The following GADL1 variants were observed in gnomAD, a reference collection of about 807,000 sequenced individuals.
GADL1 encodes the protein GAD like acidic amino acid decarboxylase 1.
In GADL1, 71 loss-of-function variants were observed where a neutral mutation model predicts 69.5. That is an observed-to-expected ratio of 1.02 (90% CI 0.84 to 1.25). GADL1 has a LOEUF of 1.25. Ranked by LOEUF, GADL1 falls within the 50% of genes most tolerant of loss-of-function variation. GADL1 has a pLI of 0.00. For missense variants in GADL1, 737 were observed against 631.8 expected, an observed-to-expected ratio of 1.17 and a Z score of -1.79; for synonymous variants, 254 against 214.4, an observed-to-expected ratio of 1.18 and a Z score of -1.62.
chr3:30,801,592 CAA>C (rs1447776373), intron 11 of GADL1, among the ~76,000 whole-genome samples: 1 of 152,158 alleles, frequency 6.6e-6, no homozygotes, highest in African/African-American at 2.4e-5. Flanking sequence ...AAGAGGTAAA[CAA>C]GAGCCAACAA....
chr3:30,812,746 A>G (rs1189724343), intron 11 of GADL1, among the ~76,000 whole-genome samples: 2 of 152,202 alleles, frequency 1.3e-5, no homozygotes, highest in Admixed American at 6.5e-5. Flanking sequence ...GATAGGAAGA[A>G]CTGTGATCCT....
At chr3:30,754,603 G>T (rs1452125623) in intron 14 of GADL1, among the ~76,000 whole-genome samples, 1 of 148,402 alleles carries the variant, frequency 6.7e-6, no homozygotes, top group African/African-American at 2.6e-5. Context: ...GAGTTTGGAA[G>T]ATAGTTGACT....
intron 11 of GADL1, among the ~76,000 whole-genome samples, chr3:30,832,890 C>A (rs1048608151): frequency 6.7e-6 from 1 of 148,280 alleles, no homozygotes; most frequent in African/African-American, 2.6e-5. Context: ...TCTATAGAAG[C>A]AAAACCTGTT....
At chr3:30,867,144 A>AT (rs952832957) in intron 1 of GADL1, among the ~76,000 whole-genome samples, 15 of 152,114 alleles carry the variant, frequency 9.9e-5, no homozygotes, top group Admixed American at 5.2e-4. Flanking sequence ...TCCTGGGAAA[A>AT]TTAATGAAGA....
rs1423065097 is a variant in GADL1 at position 30,728,153 on chromosome 3, G to A, written c.*89C>T. On this transcript the variant is annotated 3_prime_UTR_variant, in exon 15 of 15. Coordinates refer to ENST00000282538, the MANE Select transcript of GADL1 (RefSeq NM_207359.3). ...GAGTATTCCCTATTTCTCATCAGAAGGGCTGCAATCTACTGTGTATCTCCA... is the reference window on the plus strand; with the variant it reads ...GAGTATTCCCTATTTCTCATCAGAAAGGCTGCAATCTACTGTGTATCTCCA... 15 of 1,163,026 alleles carry A rather than the reference G, an allele frequency of 1.3e-5. No individual in the cohort carries two copies. Among genetic ancestry groups the A allele is most frequent in the Non-Finnish European group, 1.8e-5 (14 of 795,540 alleles). The allele number at this position is 1,163,026 out of a possible 1,614,324, so 72.0% of individuals were successfully genotyped here. A position where few individuals can be genotyped will look rare whatever the true frequency, so the allele number is the denominator to read the frequency against.
intron 13 of GADL1, among the ~76,000 whole-genome samples, chr3:30,785,510 T>C (rs1696770398): frequency 6.6e-6 from 1 of 151,484 alleles, no homozygotes; most frequent in African/African-American, 2.4e-5. Context: ...GCCTCCCGAG[T>C]AGCTGGGATT....
intron 1 of GADL1, among the ~76,000 whole-genome samples, chr3:30,864,480 T>TAA (rs960025036): frequency 6.6e-6 from 1 of 151,624 alleles, no homozygotes; most frequent in African/African-American, 2.4e-5. Flanking sequence ...ACCAATGAAT[T>TAA]AAAAAAAATC....
At chr3:30,858,884 C>A (rs1172408780) in intron 2 of GADL1, among the ~76,000 whole-genome samples, 1 of 151,974 alleles carries the variant, frequency 6.6e-6, no homozygotes, top group African/African-American at 2.4e-5. Context: ...AGGAGCCTGA[C>A]TGTCCTGTGG....
At chr3:30,783,390 T>TA in intron 13 of GADL1, among the ~76,000 whole-genome samples, 1 of 152,208 alleles carries the variant, frequency 6.6e-6, no homozygotes, top group African/African-American at 2.4e-5. Context: ...CTTAAAATAA[T>TA]ACATTTCTTG....
At chr3:30,886,832 C>T (rs1698717379) in intron 1 of GADL1, among the ~76,000 whole-genome samples, 1 of 152,154 alleles carries the variant, frequency 6.6e-6, no homozygotes, top group African/African-American at 2.4e-5. Flanking sequence ...GTGGACAAAA[C>T]CACAGACAAT....
intron 1 of GADL1, among the ~76,000 whole-genome samples, chr3:30,877,233 CTT>C (rs548484145): frequency 6.8e-4 from 104 of 151,984 alleles, no homozygotes; most frequent in African/African-American, 2.4e-3. Flanking sequence ...CATCTCTTCT[CTT>C]TCCATGAATC....
chr3:30,892,361 C>G (rs925849730), intron 1 of GADL1, among the ~76,000 whole-genome samples: 2 of 152,156 alleles, frequency 1.3e-5, no homozygotes, highest in African/African-American at 4.8e-5. Flanking sequence ...ATCATACATA[C>G]TTGGAGGATT....
chr3:30,803,330 C>G (rs868662379), intron 11 of GADL1, among the ~76,000 whole-genome samples: 5 of 152,092 alleles, frequency 3.3e-5, no homozygotes, highest in Admixed American at 6.6e-5. Context: ...CTACACTGAC[C>G]ATATATTATA....
rs1380651916 is a variant in GADL1 at position 30,857,179 on chromosome 3, A to G, written c.211-38T>C. On this transcript the variant is annotated intron_variant, in intron 2 of 14. Transcript: ENST00000282538. ...CCACAACACAAATTGAGTATCCACC[A>G]TAGCCAGGTATTGAGAGGATGTTAC... 4.5e-6 allele frequency: 7 copies of G among 1,540,966 alleles called. No homozygotes were observed. In the African/African-American group the frequency reaches 6.9e-5, roughly 15 times the overall value.
intron 14 of GADL1, among the ~76,000 whole-genome samples, chr3:30,764,992 T>C (rs192011659): frequency 3.3e-5 from 5 of 152,234 alleles, no homozygotes; most frequent in Admixed American, 6.5e-5. Flanking sequence ...AGGAAAAGTC[T>C]GACAATGCAG....
At chr3:30,835,744 G>A (rs1697862827) in intron 9 of GADL1, among the ~76,000 whole-genome samples, 1 of 152,046 alleles carries the variant, frequency 6.6e-6, no homozygotes, top group Non-Finnish European at 1.5e-5. Flanking sequence ...ACTCCATGGG[G>A]TCCCCAGAGG....
intron 14 of GADL1, among the ~76,000 whole-genome samples, chr3:30,750,769 A>C (rs1575183381): frequency 6.6e-6 from 1 of 152,302 alleles, no homozygotes; most frequent in East Asian, 1.9e-4. Flanking sequence ...ATTTCAATTC[A>C]TATCTTCTTC....
At chr3:30,783,702 GGAAAACCATTTA>G (rs1696724545) in intron 13 of GADL1, among the ~76,000 whole-genome samples, 1 of 152,128 alleles carries the variant, frequency 6.6e-6, no homozygotes, top group Admixed American at 6.6e-5. Context: ...CAGGAATTCT[GGAAAACCATTTA>G]GAAAACCACC....
intron 14 of GADL1, among the ~76,000 whole-genome samples, chr3:30,758,636 T>C (rs1430427196): frequency 2.6e-5 from 4 of 152,222 alleles, no homozygotes; most frequent in Admixed American, 2.6e-4. Context: ...CTTCTACGAA[T>C]ATATCAACTT....
Sources: gnomAD v4.1 joint callset for allele counts (sites outside exome capture counted in the v4.1 genomes callset) on GRCh38, gnomAD v4.1.1 for gene constraint, MANE v1.5 for transcripts, NCBI Gene and HGNC (gene_info 2026-07-23, HGNC 2026-07-21) for gene names.